Variants in RAD17 observed in about 807,000 individuals in gnomAD.
RAD17 encodes cell cycle checkpoint protein RAD17.
RAD17 carries 31 observed loss-of-function variants against 81.5 expected under a neutral mutation model. That is an observed-to-expected ratio of 0.38 (90% CI 0.29 to 0.51). The LOEUF (loss-of-function observed/expected upper bound fraction) is 0.51. Among genes scored for constraint, RAD17 ranks in the 20% least tolerant of loss-of-function variants. RAD17 has a pLI of 0.88. For missense variants in RAD17, 681 were observed against 781.2 expected, an observed-to-expected ratio of 0.87 and a Z score of 1.53; for synonymous variants, 261 against 266.2, an observed-to-expected ratio of 0.98 and a Z score of 0.19.
rs1409772077 is a variant in RAD17 at position 69,369,866 on chromosome 5, C to T, written c.-484C>T. 1.5e-6 allele frequency: 1 copy of T among 677,328 alleles called. No individual in the cohort carries two copies. The highest frequency in any genetic ancestry group is 2.5e-6 in the Non-Finnish European group (1 of 397,702). The allele number at this position is 677,328 out of a possible 1,614,324, so 42.0% of individuals were successfully genotyped here. A position where few individuals can be genotyped will look rare whatever the true frequency, so the allele number is the denominator to read the frequency against. On this transcript the variant is annotated 5_prime_UTR_variant, in exon 1 of 19. Transcript: ENST00000354868. ...GAGCCCGGGTAGGGCCAGGTGGCTG[C>T]CCTTTCACCTAGGGTAGTCCCTGGT...
chr5:69,386,760 TATC>T (rs1398645427), intron 11 of RAD17, among the ~76,000 whole-genome samples: 1 of 152,208 alleles, frequency 6.6e-6, no homozygotes, highest in Non-Finnish European at 1.5e-5. Flanking sequence ...GTATGGTAGT[TATC>T]AACAATTCAA....
intron 17 of RAD17, among the ~76,000 whole-genome samples, chr5:69,410,225 A>C (rs894958825): frequency 3.3e-5 from 5 of 152,182 alleles, no homozygotes; most frequent in African/African-American, 1.2e-4. Context: ...TTGAGGATGC[A>C]CTATACTGTT....
At chr5:69,412,366 A>G (rs569183693) in intron 18 of RAD17, among the ~76,000 whole-genome samples, 1 of 152,326 alleles carries the variant, frequency 6.6e-6, no homozygotes, top group East Asian at 1.9e-4. Context: ...AGTATTAAAT[A>G]TTAATACTTA....
intron 15 of RAD17, 68 bp from the exon 16 acceptor site, chr5:69,396,329 T>C (rs1364815974): frequency 2.0e-6 from 3 of 1,502,466 alleles, no homozygotes; most frequent in African/African-American, 2.8e-5. Context: ...TATTTTTGTA[T>C]ATATCAGGAA....
chr5:69,377,080 T>G (rs963037123), intron 6 of RAD17, among the ~76,000 whole-genome samples: 2 of 152,070 alleles, frequency 1.3e-5, no homozygotes, highest in Non-Finnish European at 2.9e-5. Flanking sequence ...ACCAAGCTCC[T>G]TTCTCTCTGG....
intron 15 of RAD17, among the ~76,000 whole-genome samples, chr5:69,394,157 C>T (rs557441893): frequency 1.2e-4 from 18 of 148,706 alleles, no homozygotes; most frequent in Admixed American, 6.3e-4. Flanking sequence ...TGGGCTCAAG[C>T]GATCCTCCAA....
chr5:69,377,474 T>C (rs1372769515), intron 6 of RAD17, among the ~76,000 whole-genome samples: 2,138 of 10,052 alleles, frequency 0.21, 217 homozygotes, highest in African/African-American at 0.33. Context: ...TATATATATA[T>C]ACACACACAC....
At chr5:69,400,254 A>G (rs1359413640) in intron 17 of RAD17, 85 bp downstream of exon 17, 4 of 939,900 alleles carry the variant, frequency 4.3e-6, no homozygotes, top group East Asian at 4.6e-5. Context: ...GGGAGTCTCT[A>G]CTGTCCAGGC....
chr5:69,382,894 A>G (rs184989246), intron 7 of RAD17, among the ~76,000 whole-genome samples: 1 of 151,602 alleles, frequency 6.6e-6, no homozygotes, highest in Admixed American at 6.6e-5. Flanking sequence ...AGCTATTCTC[A>G]TGCCTCAGCC....
intron 17 of RAD17, among the ~76,000 whole-genome samples, chr5:69,406,041 CAAA>C (rs57655302): frequency 2.7e-4 from 35 of 127,358 alleles, no homozygotes; most frequent in Admixed American, 3.9e-4. Context: ...GACTCCATCT[CAAA>C]AAAAAAAAAA....
chr5:69,385,553 G>A (rs1288096853), intron 8 of RAD17, among the ~76,000 whole-genome samples: 3 of 152,040 alleles, frequency 2.0e-5, no homozygotes, highest in African/African-American at 4.8e-5. Context: ...TTACACATGT[G>A]AGCCACCACA....
At chr5:69,409,283 G>C (rs1561277705) in intron 17 of RAD17, among the ~76,000 whole-genome samples, 1 of 152,248 alleles carries the variant, frequency 6.6e-6, no homozygotes, top group Non-Finnish European at 1.5e-5. Context: ...AGGGGACAGT[G>C]CCTTTGGGTT....
In RAD17 at chr5:69,405,349, A is replaced by G. The variant is rs192772890; in HGVS notation, c.1694-5144A>G. Among the ~76,000 whole-genome samples, 208 of 149,878 alleles carry G rather than the reference A, an allele frequency of 1.4e-3. 1 individual carries two copies. Among genetic ancestry groups the G allele is most frequent in the African/African-American group, 5.0e-3 (203 of 40,600 alleles). On this transcript the variant is annotated intron_variant, in intron 17 of 18. Transcript: ENST00000354868. ...AAACCCATCTCTACTAAAAACACAC[A>G]CACAAAAAAAAAAAACACCAAAAAA...
upstream of RAD17, chr5:69,369,668 T>A (rs1762792159): frequency 1.9e-6 from 3 of 1,557,688 alleles, no homozygotes; most frequent in Non-Finnish European, 1.7e-6. Context: ...TGGCTTTCGA[T>A]GACACATTTC....
chr5:69,385,796 T>G (rs2561171), intron 8 of RAD17, among the ~76,000 whole-genome samples: 75,445 of 152,026 alleles, frequency 0.5, 18,781 homozygotes, highest in South Asian at 0.54. Flanking sequence ...AAGAAAAGTT[T>G]GGAAAATTAC....
At chr5:69,413,555 G>A (rs1329967829) in intron 18 of RAD17, among the ~76,000 whole-genome samples, 2 of 152,176 alleles carry the variant, frequency 1.3e-5, no homozygotes, top group African/African-American at 2.4e-5. Context: ...TTTGTTTGGA[G>A]ACAGAGTCTT....
chr5:69,376,425 T>C (rs1763337688), intron 6 of RAD17, among the ~76,000 whole-genome samples: 1 of 152,268 alleles, frequency 6.6e-6, no homozygotes, highest in East Asian at 1.9e-4. Context: ...TTTAGTTACC[T>C]TGAAATACAT....
chr5:69,404,396 A>T (rs1765457156), intron 17 of RAD17, among the ~76,000 whole-genome samples: 1 of 152,092 alleles, frequency 6.6e-6, no homozygotes. Flanking sequence ...CAAAGAATGC[A>T]ATAGTAAGAA....
In RAD17 at chr5:69,381,759, A is replaced by G. The variant is rs904670880; in HGVS notation, c.352-142A>G. 2.1e-5 allele frequency: 12 copies of G among 583,550 alleles called. No individual in the cohort carries two copies. In the Admixed American group the frequency reaches 3.2e-4, roughly 16 times the overall value. 36.1% of individuals were successfully genotyped at this position (583,550 alleles called of 1,614,324 possible). A position where few individuals can be genotyped will look rare whatever the true frequency, so the allele number is the denominator to read the frequency against. Reference sequence around the variant, plus strand: ...ATAAAGCTGGTTTATTCCAGCAAGCATTATTATGAAATTTAATGTGCTTAT... The same window carrying G: ...ATAAAGCTGGTTTATTCCAGCAAGCGTTATTATGAAATTTAATGTGCTTAT... On this transcript the variant is annotated intron_variant, in intron 6 of 18. Coordinates refer to ENST00000354868, the MANE Select transcript of RAD17 (RefSeq NM_133338.3).
Sources: allele counts gnomAD v4.1 joint callset (sites outside exome capture counted in the v4.1 genomes callset), GRCh38; gene constraint gnomAD v4.1.1; transcripts MANE v1.5; gene names NCBI Gene and HGNC (gene_info 2026-07-23, HGNC 2026-07-21).